The following MAGI1 variants were observed in gnomAD, a reference collection of about 807,000 sequenced individuals.
MAGI1 encodes the protein membrane-associated guanylate kinase, WW and PDZ domain-containing protein 1.
A neutral mutation model predicts 139.9 loss-of-function variants in MAGI1; 58 were observed. The ratio of observed to expected loss-of-function variants is 0.41; its 90% confidence interval spans 0.34 to 0.52. The LOEUF (loss-of-function observed/expected upper bound fraction) is 0.52, where lower values mean the gene tolerates loss of function less well. MAGI1 is among the 20% of genes least tolerant of loss of function. MAGI1 has a pLI of 0.12. For missense variants in MAGI1, 1,874 were observed against 1,901.6 expected (o/e 0.99, Z 0.27); for synonymous variants, 812 against 737.9 (o/e 1.10, Z -1.63).
At chr3:65,878,421 T>C (rs1290659247) in intron 1 of MAGI1, among the ~76,000 whole-genome samples, 2 of 149,706 alleles carry the variant, frequency 1.3e-5, no homozygotes, top group Non-Finnish European at 3.0e-5. Flanking sequence ...GAGGCTGAAG[T>C]AGGCGAATTG....
intron 1 of MAGI1, among the ~76,000 whole-genome samples, chr3:65,660,246 G>C (rs938228331): frequency 6.6e-6 from 1 of 152,208 alleles, no homozygotes; most frequent in African/African-American, 2.4e-5. Flanking sequence ...CTCATGTCAT[G>C]CACTCTCTAA....
At chr3:65,907,088 T>C (rs1051587426) in intron 1 of MAGI1, among the ~76,000 whole-genome samples, 1 of 151,284 alleles carries the variant, frequency 6.6e-6, no homozygotes, top group African/African-American at 2.4e-5. Context: ...TGGTGAAGAC[T>C]AAGGATTTGT....
intron 2 of MAGI1, among the ~76,000 whole-genome samples, chr3:65,615,930 T>G (rs974173801): frequency 1.3e-5 from 2 of 152,200 alleles, no homozygotes; most frequent in Non-Finnish European, 2.9e-5. Flanking sequence ...TGGGCAATCT[T>G]GTGTTTAAAG....
chr3:65,952,526 C>G (rs925511443), intron 1 of MAGI1, among the ~76,000 whole-genome samples: 5 of 152,024 alleles, frequency 3.3e-5, no homozygotes, highest in African/African-American at 1.2e-4. Flanking sequence ...CCAGAAAGAC[C>G]ACATAAGGCC....
At chr3:65,769,890 T>G (rs941644937) in intron 1 of MAGI1, among the ~76,000 whole-genome samples, 1 of 152,200 alleles carries the variant, frequency 6.6e-6, no homozygotes, top group African/African-American at 2.4e-5. Flanking sequence ...GTAAAGTAGC[T>G]TGAATAACCA....
chr3:65,913,203 G>C (rs533920570), intron 1 of MAGI1, among the ~76,000 whole-genome samples: 7 of 152,156 alleles, frequency 4.6e-5, no homozygotes, highest in African/African-American at 1.7e-4. Context: ...GGCAGAGGTT[G>C]CAGTGGGCAG....
rs1241082949 is a variant in MAGI1 at position 65,530,778 on chromosome 3, CATATATAT to C, written c.431-37155_431-37148del. Among the ~76,000 whole-genome samples, 11 of 70,138 alleles carry C rather than the reference CATATATAT, an allele frequency of 1.6e-4. 1 individual carries two copies. Among genetic ancestry groups the C allele is most frequent in the South Asian group, 8.7e-4 (2 of 2,306 alleles). 46.0% of individuals were successfully genotyped at this position (70,138 alleles called of 152,430 possible). A position where few individuals can be genotyped will look rare whatever the true frequency, so the allele number is the denominator to read the frequency against. On this transcript the variant is annotated intron_variant, in intron 2 of 22. Coordinates refer to ENST00000402939, the MANE Select transcript of MAGI1 (RefSeq NM_001033057.2). ...ACACGTATATATATATATATACACA[CATATATAT>C]ACACGTATATATATATATACACACA... is the stretch of plus-strand genomic sequence containing the variant.
intron 2 of MAGI1, among the ~76,000 whole-genome samples, chr3:65,606,317 ACTTT>A (rs557103557): frequency 4.1e-4 from 63 of 152,030 alleles, no homozygotes; most frequent in Middle Eastern, 3.4e-3. Flanking sequence ...TTTTACTTTT[ACTTT>A]CTTTATTTTT....
At position 65,354,633 on chromosome 3, in the gene MAGI1, AT is replaced by A. The variant is rs1940120922; in HGVS notation, c.*1744del. On this transcript the variant is annotated 3_prime_UTR_variant, in exon 23 of 23. Coordinates refer to ENST00000402939, the MANE Select transcript of MAGI1 (RefSeq NM_001033057.2). ...TTCAAACCAACTAAAGCTTTAGAGA[AT>A]TACTTATATAGTCTCCCATTTTAAA... 6.6e-6 allele frequency: 1 copy of A among 152,636 alleles called. No homozygotes were observed. The highest frequency in any genetic ancestry group is 1.5e-5 in the Non-Finnish European group (1 of 68,030). The allele number at this position is 152,636 out of a possible 1,614,324, so 9.5% of individuals were successfully genotyped here. A position where few individuals can be genotyped will look rare whatever the true frequency, so the allele number is the denominator to read the frequency against.
chr3:65,478,385 T>G (rs780013293), intron 4 of MAGI1, among the ~76,000 whole-genome samples: 3 of 152,146 alleles, frequency 2.0e-5, no homozygotes, highest in African/African-American at 7.2e-5. Flanking sequence ...GGTATTCTGA[T>G]GAAGTTAAAA....
Position 65,621,980 on chromosome 3 carries a change from G to A in MAGI1, c.422C>T (p.Ala141Val), listed in dbSNP as rs1156330673. Reference protein sequence around the residue: ...QTIRDNLYRHAVPCTTRSPRE... With the variant: ...QTIRDNLYRHVVPCTTRSPRE... ...AAAGTCCAACTACTTACAAGGCACAGCATGGCGGTAAAGGTTATCCCTTAT... is the reference window on the plus strand; with the variant it reads ...AAAGTCCAACTACTTACAAGGCACAACATGGCGGTAAAGGTTATCCCTTAT... Residue 141 changes from alanine to valine, a missense_variant, in exon 2 of 23, where the codon GCT (alanine) becomes GTT (valine). Coordinates refer to ENST00000402939, the MANE Select transcript of MAGI1 (RefSeq NM_001033057.2). The A allele has an allele frequency of 6.2e-7, 1 of 1,609,052 alleles. No individual in the cohort carries two copies. Among genetic ancestry groups the A allele is most frequent in the Admixed American group, 1.7e-5 (1 of 59,924 alleles).
intron 1 of MAGI1, among the ~76,000 whole-genome samples, chr3:65,895,456 A>T (rs2060929561): frequency 6.6e-6 from 1 of 152,216 alleles, no homozygotes; most frequent in Admixed American, 6.5e-5. Context: ...AGGGTCAGAG[A>T]CCAGAATTCT....
chr3:66,015,233 A>T (rs1364289485), intron 1 of MAGI1, among the ~76,000 whole-genome samples: 1 of 152,040 alleles, frequency 6.6e-6, no homozygotes, highest in African/African-American at 2.4e-5. Flanking sequence ...AAGACATAAT[A>T]CACACGTACT....
intron 1 of MAGI1, among the ~76,000 whole-genome samples, chr3:65,654,624 C>CTT (rs202095888): frequency 6.8e-6 from 1 of 147,154 alleles, no homozygotes; most frequent in African/African-American, 2.5e-5. Context: ...TGAGTAATGA[C>CTT]TTTTTTTTTT....
intron 1 of MAGI1, among the ~76,000 whole-genome samples, chr3:65,678,284 A>G (rs532827207): frequency 6.6e-6 from 1 of 152,282 alleles, no homozygotes; most frequent in East Asian, 1.9e-4. Flanking sequence ...ACAAACCTGT[A>G]TGTTCTGCAC....
intron 1 of MAGI1, among the ~76,000 whole-genome samples, chr3:65,714,651 A>C (rs1204790925): frequency 6.6e-6 from 1 of 152,102 alleles, no homozygotes; most frequent in Non-Finnish European, 1.5e-5. Context: ...GTTAAAAAAA[A>C]CCGAAGCCTG....
intron 1 of MAGI1, among the ~76,000 whole-genome samples, chr3:65,700,107 A>G (rs1369878955): frequency 6.6e-6 from 1 of 152,128 alleles, no homozygotes; most frequent in Admixed American, 6.6e-5. Context: ...TTGTACATTA[A>G]AAATATGACA....
intron 22 of MAGI1, among the ~76,000 whole-genome samples, 164 bp from the exon 23 acceptor site, chr3:65,357,296 C>G (rs867626585): frequency 5.9e-5 from 9 of 152,294 alleles, no homozygotes; most frequent in East Asian, 5.8e-4. Flanking sequence ...GATAACTGCA[C>G]GTAGTTAGGG....
chr3:66,018,136 T>G (rs2067767050), intron 1 of MAGI1, among the ~76,000 whole-genome samples: 2 of 139,668 alleles, frequency 1.4e-5, no homozygotes, highest in African/African-American at 5.3e-5. Context: ...TGTCTGCACA[T>G]GCCCATTTAA....
Sources: allele counts gnomAD v4.1 joint callset (sites outside exome capture counted in the v4.1 genomes callset), GRCh38; gene constraint gnomAD v4.1.1; transcripts MANE v1.5; gene names NCBI Gene and HGNC (gene_info 2026-07-23, HGNC 2026-07-21).